SERPINA9: variants seen among roughly 807,000 people sequenced by gnomAD.
SERPINA9 encodes the protein serpin family A member 9, also known as serpin A9.
Under a neutral mutation model 24.5 loss-of-function variants are expected in SERPINA9, and 32 were observed. That is an observed-to-expected ratio of 1.30 (90% CI 0.98 to 1.75). The LOEUF (loss-of-function observed/expected upper bound fraction) is 1.75. SERPINA9 is among the 40% of genes most tolerant of loss of function. The pLI is 0.00. For missense variants in SERPINA9, 594 were observed against 497.1 expected (o/e 1.19, Z -1.85); for synonymous variants, 233 against 197.7 (o/e 1.18, Z -1.50).
chr14:94,467,204 G>C lies in SERPINA9; in HGVS notation c.807C>G (p.Ala269=). Reference sequence around the variant, plus strand: ...TGCCCTTGCTAGGGAGGACAAAGAAGGCCACGGCATCTCCCTTGTAATCCA... The same window carrying C: ...TGCCCTTGCTAGGGAGGACAAAGAACGCCACGGCATCTCCCTTGTAATCCA... The part of the protein sequence containing the change: ...LQMDYKGDAV[A]FFVLPSKGKM... Residue 269 remains alanine (A), a synonymous_variant, in exon 3 of 5, where the codon GCC becomes GCG. Transcript: ENST00000674397. The C allele has an allele frequency of 6.2e-7, 1 of 1,614,244 alleles. No individual in the cohort carries two copies. Among genetic ancestry groups the C allele is most frequent in the Non-Finnish European group, 8.5e-7 (1 of 1,180,042 alleles).
intron 1 of SERPINA9, 198 bp from the exon 2 acceptor site, chr14:94,470,055 G>A (rs981627503): frequency 8.5e-5 from 56 of 655,922 alleles, no homozygotes; most frequent in Non-Finnish European, 1.3e-4. Context: ...TTGCAAATGA[G>A]TAAACAGGCC....
Position 94,462,904 on chromosome 14 carries a change from G to A in SERPINA9, c.*189C>T, listed in dbSNP as rs1898805337. On this transcript the variant is annotated 3_prime_UTR_variant, in exon 5 of 5. Coordinates refer to ENST00000674397, the MANE Select transcript of SERPINA9 (RefSeq NM_175739.4). ...ATTTGTGGAAAAGGGCACTGACTGG[G>A]GTTAATGGGTGTTGGCTTGTGACTG... is the stretch of plus-strand genomic sequence containing the variant. 1.7e-6 allele frequency: 1 copy of A among 588,742 alleles called. No homozygotes were observed. Among genetic ancestry groups the A allele is most frequent in the Non-Finnish European group, 3.1e-6 (1 of 327,578 alleles). 36.5% of individuals were successfully genotyped at this position (588,742 alleles called of 1,614,324 possible).
In SERPINA9 at chr14:94,467,242, A is replaced by G; in HGVS notation, c.769T>C (p.Phe257Leu). The change falls in exon 3 of 5, where the codon TTT becomes CTT. Residue 257 changes from phenylalanine to leucine, a missense_variant. Transcript: ENST00000674397. ...AFGVDTELNC[F>L]VLQMDYKGDA... is the part of the protein sequence containing the mutation. ...CCCTTGTAATCCATCTGCAGCACAA[A>G]GCAGTTCAGCTCTGTATCCACCCCA... The G allele has an allele frequency of 6.2e-7, 1 of 1,614,236 alleles. No homozygotes were observed. Among genetic ancestry groups the G allele is most frequent in the Non-Finnish European group, 8.5e-7 (1 of 1,180,036 alleles).
chr14:94,476,101 C>T (rs763900449), intron 1 of SERPINA9, 35 bp downstream of exon 1: 1 of 1,614,046 alleles, frequency 6.2e-7, no homozygotes, highest in Non-Finnish European at 8.5e-7. Flanking sequence ...AGTGACACCA[C>T]ATTCCCGATC....
chr14:94,462,997 C>G lies in SERPINA9; in HGVS notation c.*96G>C. The G allele has an allele frequency of 2.7e-6, 3 of 1,095,964 alleles. No homozygotes were observed. Among genetic ancestry groups the G allele is most frequent in the Non-Finnish European group, 4.2e-6 (3 of 721,954 alleles). 67.9% of individuals were successfully genotyped at this position (1,095,964 alleles called of 1,614,324 possible). Reference sequence around the variant, plus strand: ...ATCCCTGCCAGCGAATCCAGCTCCACTGGGGTCAAATGCACCCTCAGAACA... The same window carrying G: ...ATCCCTGCCAGCGAATCCAGCTCCAGTGGGGTCAAATGCACCCTCAGAACA... On this transcript the variant is annotated 3_prime_UTR_variant, in exon 5 of 5. Transcript: ENST00000674397.
At chr14:94,475,090 A>G (rs1899520472) in intron 1 of SERPINA9, among the ~76,000 whole-genome samples, 1 of 152,036 alleles carries the variant, frequency 6.6e-6, no homozygotes, top group African/African-American at 2.4e-5. Flanking sequence ...TTGGGTGTCA[A>G]GGGCTTCATT....
chr14:94,475,692 C>T (rs147475303), intron 1 of SERPINA9, among the ~76,000 whole-genome samples: 159 of 152,250 alleles, frequency 1.0e-3, no homozygotes, highest in South Asian at 2.5e-3. Flanking sequence ...ATCTCAGGAC[C>T]CTTCCACCTC....
rs1371657987 is a variant in SERPINA9 at position 94,473,940 on chromosome 14, T to A, written c.-18+2196A>T. The stretch of plus-strand genomic sequence containing the variant: ...AGTTCTGAGGAAGGGCGAGACAACG[T>A]CTGCAGAACGCCCAGTGCGGCATCC... On this transcript the variant is annotated intron_variant, in intron 1 of 4. Coordinates refer to ENST00000674397, the MANE Select transcript of SERPINA9 (RefSeq NM_175739.4). 3.9e-5 allele frequency among the ~76,000 whole-genome samples: 6 copies of A among 152,258 alleles called. No homozygotes were observed. The East Asian group carries it at 1.2e-3, about 29-fold the overall frequency.
At chr14:94,471,218 T>C (rs1899301505) in intron 1 of SERPINA9, among the ~76,000 whole-genome samples, 1 of 151,916 alleles carries the variant, frequency 6.6e-6, no homozygotes, top group Non-Finnish European at 1.5e-5. Flanking sequence ...CCAACTCTTC[T>C]CCTAGGAGCA....
chr14:94,463,110 T>G lies in SERPINA9; in HGVS notation c.1237A>C (p.Asn413His). The G allele has an allele frequency of 6.2e-7, 1 of 1,614,130 alleles. No homozygotes were observed. The highest frequency in any genetic ancestry group is 1.3e-5 in the African/African-American group (1 of 75,064). ...TTTCCCACCTAGGATTTAGTGGGAT[T>G]TTCCACTTTCCCTAGAAAGAGAATA... ...DGILFLGKVE[N>H]PTKS Residue 413 changes from asparagine to histidine, a missense_variant, in exon 5 of 5, where the codon AAT (asparagine) becomes CAT (histidine). Transcript: ENST00000674397.
chr14:94,466,019 A>T (rs907271948), intron 3 of SERPINA9, among the ~76,000 whole-genome samples: 1 of 152,058 alleles, frequency 6.6e-6, no homozygotes, highest in Non-Finnish European at 1.5e-5. Flanking sequence ...CATGCCAGGG[A>T]CAGCTCTCTT....
At chr14:94,475,963 T>A (rs536234542) in intron 1 of SERPINA9, 173 bp downstream of exon 1, 3 of 884,158 alleles carry the variant, frequency 3.4e-6, no homozygotes, top group Middle Eastern at 3.5e-4. Context: ...CTGGCTTCTG[T>A]ATCCACAAAA....
chr14:94,475,128 C>T lies in SERPINA9; in HGVS notation c.-18+1008G>A, dbSNP rs1221260850. 2.6e-5 allele frequency among the ~76,000 whole-genome samples: 4 copies of T among 152,142 alleles called. No homozygotes were observed. The South Asian group carries it at 6.2e-4, about 24-fold the overall frequency. ...AATCTACTGTGCTTCACCCCCAGGC[C>T]TGTGTCTTCATGTCCCAGCCCTGTG... On this transcript the variant is annotated intron_variant, in intron 1 of 4. Coordinates refer to ENST00000674397, the MANE Select transcript of SERPINA9 (RefSeq NM_175739.4).
intron 1 of SERPINA9, among the ~76,000 whole-genome samples, chr14:94,474,721 T>A (rs1194690262): frequency 6.6e-6 from 1 of 152,128 alleles, no homozygotes; most frequent in Admixed American, 6.5e-5. Flanking sequence ...GCACTGCTCG[T>A]TGGGGTGACA....
At chr14:94,469,896 G>C in intron 1 of SERPINA9, 39 bp from the exon 2 acceptor site, 1 of 1,480,772 alleles carries the variant, frequency 6.8e-7, no homozygotes, top group Non-Finnish European at 9.0e-7. Flanking sequence ...GGTAAACTGA[G>C]GGTCCAGGCC....
At position 94,464,701 on chromosome 14, in the gene SERPINA9, A is replaced by T; in HGVS notation, c.1050+6T>A. 1.2e-6 allele frequency: 2 copies of T among 1,608,098 alleles called. No individual in the cohort carries two copies. The highest frequency in any genetic ancestry group is 8.5e-7 in the Non-Finnish European group (1 of 1,177,358). On this transcript the variant is annotated splice_donor_region_variant and intron_variant, in intron 4 of 4. Transcript: ENST00000674397. ...ACTTTTTTGCAAATATTTTCATTCA[A>T]CTCACTTTAGAAACCTGCAGGGAGT...
rs950787972 is a variant in SERPINA9 at position 94,475,195 on chromosome 14, C to T, written c.-18+941G>A. Among the ~76,000 whole-genome samples, 7 of 152,198 alleles carry T rather than the reference C, an allele frequency of 4.6e-5. No individual in the cohort carries two copies. In the South Asian group the frequency reaches 6.2e-4, roughly 13 times the overall value. On this transcript the variant is annotated intron_variant, in intron 1 of 4. Coordinates refer to ENST00000674397, the MANE Select transcript of SERPINA9 (RefSeq NM_175739.4). ...GGTAGAACCTACCTGTCTGCTCCTT[C>T]CCTGCCAAGTGCTGCTGGAAGAGGG... is the stretch of plus-strand genomic sequence containing the variant.
intron 2 of SERPINA9, 47 bp downstream of exon 2, chr14:94,469,166 C>T (rs748317848): frequency 4.1e-5 from 63 of 1,539,500 alleles, no homozygotes; most frequent in Non-Finnish European, 5.5e-5. Flanking sequence ...AAATCATCAT[C>T]ATCATCATAA....
chr14:94,472,135 T>C (rs79373567), intron 1 of SERPINA9, among the ~76,000 whole-genome samples: 1,950 of 151,746 alleles, frequency 0.013, 57 homozygotes, highest in African/African-American at 0.045. Context: ...GCCTTGAGAG[T>C]TGACTGCTTC....
Sources: gnomAD v4.1 joint callset for allele counts (sites outside exome capture counted in the v4.1 genomes callset) on GRCh38, gnomAD v4.1.1 for gene constraint, MANE v1.5 for transcripts, NCBI Gene and HGNC (gene_info 2026-07-23, HGNC 2026-07-21) for gene names.